Variants in RFX2 observed in about 807,000 individuals in gnomAD.
The protein encoded by RFX2 is regulatory factor X2, also known as DNA-binding protein RFX2.
Under a neutral mutation model 87.8 loss-of-function variants are expected in RFX2, and 20 were observed. The ratio of observed to expected loss-of-function variants is 0.23; its 90% confidence interval spans 0.16 to 0.33. The LOEUF (loss-of-function observed/expected upper bound fraction) is 0.33. Ranked by LOEUF, RFX2 falls within the 10% of genes least tolerant of loss-of-function variation. The probability of loss-of-function intolerance (pLI) is 1.00; values close to 1 mark genes in which losing one functional copy is unlikely to be tolerated. For synonymous variants in RFX2, 397 were observed against 431.3 expected (o/e 0.92, Z 0.98); for missense variants, 767 against 1,012.3 (o/e 0.76, Z 3.29).
intron 1 of RFX2, among the ~76,000 whole-genome samples, chr19:6,091,030 G>A (rs1169877514): frequency 6.6e-6 from 1 of 152,168 alleles, no homozygotes; most frequent in Non-Finnish European, 1.5e-5. Context: ...AAGCAGACTT[G>A]GTGTTTGCCA....
In RFX2 at chr19:6,040,041, T is replaced by G; in HGVS notation, c.461A>C (p.His154Pro). Reference protein sequence around the residue: ...IVSSAGAYLIHGGMDSTRHSL... With the variant: ...IVSSAGAYLIPGGMDSTRHSL... Reference sequence around the variant, plus strand: ...GTGTCTGGTGCTGTCCATCCCCCCGTGGATGAGATAGGCTCCCGCGCTGGA... The same window carrying G: ...GTGTCTGGTGCTGTCCATCCCCCCGGGGATGAGATAGGCTCCCGCGCTGGA... Residue 154 changes from histidine to proline, a missense_variant, in exon 5 of 18, where the codon CAC becomes CCC. Coordinates refer to ENST00000303657, the MANE Select transcript of RFX2 (RefSeq NM_000635.4). This position sits in a 1 kb window ranked among gnomAD's most constrained non-coding sequence, Gnocchi z 6.1. 6.2e-7 allele frequency: 1 copy of G among 1,609,944 alleles called. No homozygotes were observed. Among genetic ancestry groups the G allele is most frequent in the Non-Finnish European group, 8.5e-7 (1 of 1,178,626 alleles).
intron 1 of RFX2, among the ~76,000 whole-genome samples, chr19:6,071,526 T>C (rs886689985): frequency 1.6e-4 from 25 of 152,086 alleles, no homozygotes; most frequent in Non-Finnish European, 3.7e-4. Flanking sequence ...AAATTAGAAA[T>C]ATTTATTCCA....
intron 1 of RFX2, among the ~76,000 whole-genome samples, chr19:6,102,153 T>C (rs950508639): frequency 5.3e-5 from 8 of 152,168 alleles, no homozygotes; most frequent in Non-Finnish European, 8.8e-5. Context: ...CTCCCCCATC[T>C]GCTGCCTGCA....
At position 6,047,182 on chromosome 19, in the gene RFX2, T is replaced by C. The variant is rs2087202602; in HGVS notation, c.90+225A>G. ...TCAGATTTGGGAGAGTGGTTTCTTTTCCATTCATGTCATTGTTTCCTTGAT... is the reference window on the plus strand; with the variant it reads ...TCAGATTTGGGAGAGTGGTTTCTTTCCCATTCATGTCATTGTTTCCTTGAT... On this transcript the variant is annotated intron_variant, in intron 2 of 17. Coordinates refer to ENST00000303657, the MANE Select transcript of RFX2 (RefSeq NM_000635.4). This position sits in a 1 kb window ranked among gnomAD's most constrained non-coding sequence, Gnocchi z 4.2. 6.6e-6 allele frequency among the ~76,000 whole-genome samples: 1 copy of C among 152,228 alleles called. No homozygotes were observed. The highest frequency in any genetic ancestry group is 6.5e-5 in the Admixed American group (1 of 15,290).
At chr19:6,006,203 C>T (rs894255966) in intron 12 of RFX2, among the ~76,000 whole-genome samples, 2 of 152,170 alleles carry the variant, frequency 1.3e-5, no homozygotes, top group Non-Finnish European at 2.9e-5. Context: ...CTCTGTTGCC[C>T]AGGCTGGAGT....
rs12610477 is a variant in RFX2, at chr19:6,064,438, G to T, written c.-8-16934C>A. On this transcript the variant is annotated intron_variant, in intron 1 of 17. Transcript: ENST00000303657. The surrounding 1 kb of genome is among the most constrained non-coding windows in gnomAD (Gnocchi z 4.8). ...ATGTGCCAGTGAAAACCTGGCATGC[G>T]GAGGCCTCACCTCACTCACCCTCTC... Among the ~76,000 whole-genome samples the T allele has an allele frequency of 1.3e-5, 2 of 152,218 alleles. No homozygotes were observed. The highest frequency in any genetic ancestry group is 4.8e-5 in the African/African-American group (2 of 41,450).
chr19:6,078,850 A>G (rs1027857212), intron 1 of RFX2, among the ~76,000 whole-genome samples: 1 of 152,248 alleles, frequency 6.6e-6, no homozygotes, highest in African/African-American at 2.4e-5. Flanking sequence ...ATCTCAGCTC[A>G]CTGCAACCTC....
chr19:6,062,721 G>A (rs1428123991), intron 1 of RFX2, among the ~76,000 whole-genome samples: 1 of 152,150 alleles, frequency 6.6e-6, no homozygotes. Flanking sequence ...GTATGAGCTC[G>A]AACTGGACTT....
intron 1 of RFX2, among the ~76,000 whole-genome samples, chr19:6,100,917 T>G (rs891844506): frequency 6.8e-6 from 1 of 147,790 alleles, no homozygotes; most frequent in Non-Finnish European, 1.5e-5. Context: ...CCAGAAGTAA[T>G]TTTTACTCAC....
At chr19:6,082,369 T>C (rs916459438) in intron 1 of RFX2, among the ~76,000 whole-genome samples, 7 of 151,334 alleles carry the variant, frequency 4.6e-5, no homozygotes, top group African/African-American at 1.5e-4. Flanking sequence ...TAGTCATTGC[T>C]GGGGATTAAT....
Position 5,994,677 on chromosome 19 carries a change from T to C in RFX2, c.*158A>G. The C allele has an allele frequency of 3.3e-6, 2 of 604,998 alleles. No homozygotes were observed. The highest frequency in any genetic ancestry group is 4.4e-4 in the Middle Eastern group (1 of 2,250). The allele number at this position is 604,998 out of a possible 1,614,324, so 37.5% of individuals were successfully genotyped here. On this transcript the variant is annotated 3_prime_UTR_variant, in exon 18 of 18. Coordinates refer to ENST00000303657, the MANE Select transcript of RFX2 (RefSeq NM_000635.4). ...GGGCTTCTGTAGCTTCAACAACTGC[T>C]TTCCTTCTTGAACACTGACCCCGGG...
In RFX2 at chr19:6,047,520, G is replaced by C. The variant is rs772434526; in HGVS notation, c.-8-16C>G. The C allele has an allele frequency of 7.5e-5, 119 of 1,587,530 alleles. No homozygotes were observed. The highest frequency in any genetic ancestry group is 1.0e-4 in the Non-Finnish European group (116 of 1,165,172). On this transcript the variant is annotated splice_polypyrimidine_tract_variant and intron_variant, in intron 1 of 17. Coordinates refer to ENST00000303657, the MANE Select transcript of RFX2 (RefSeq NM_000635.4). The surrounding 1 kb of genome is among the most constrained non-coding windows in gnomAD (Gnocchi z 4.2). ...ATGCTCAGGTCTAAAGAAAGGCGGAGAGAGATTGGGTGGGCAAGGGCTGCA... is the reference window on the plus strand; with the variant it reads ...ATGCTCAGGTCTAAAGAAAGGCGGACAGAGATTGGGTGGGCAAGGGCTGCA...
Position 6,056,894 on chromosome 19 carries a change from C to T in RFX2, c.-8-9390G>A, listed in dbSNP as rs2087351452. Among the ~76,000 whole-genome samples, 1 of 152,214 alleles carries T rather than the reference C, an allele frequency of 6.6e-6. No homozygotes were observed. The highest frequency in any genetic ancestry group is 2.4e-5 in the African/African-American group (1 of 41,444). On this transcript the variant is annotated intron_variant, in intron 1 of 17. Coordinates refer to ENST00000303657, the MANE Select transcript of RFX2 (RefSeq NM_000635.4). The surrounding 1 kb of genome is among the most constrained non-coding windows in gnomAD (Gnocchi z 4.6). ...ATAAAGGGGAGGGGCCGCAACACGA[C>T]CTGTCACCCAGCCTGGCCCTGCCTG...
At position 6,083,664 on chromosome 19, in the gene RFX2, C is replaced by T. The variant is rs982485796; in HGVS notation, c.-9+26729G>A. Among the ~76,000 whole-genome samples the T allele has an allele frequency of 6.6e-6, 1 of 151,848 alleles. No homozygotes were observed. Among genetic ancestry groups the T allele is most frequent in the Non-Finnish European group, 1.5e-5 (1 of 68,000 alleles). ...CATGGCTCACTGCAGCCTCCACTTC[C>T]AGAGCTCAAGTGATCCTCCTGCTCA... On this transcript the variant is annotated intron_variant, in intron 1 of 17. Coordinates refer to ENST00000303657, the MANE Select transcript of RFX2 (RefSeq NM_000635.4). This position sits in a 1 kb window ranked among gnomAD's most constrained non-coding sequence, Gnocchi z 4.6.
intron 1 of RFX2, among the ~76,000 whole-genome samples, chr19:6,089,985 G>A (rs528198683): frequency 6.6e-6 from 1 of 152,268 alleles, no homozygotes; most frequent in African/African-American, 2.4e-5. Flanking sequence ...TTTTGAGACA[G>A]GTTCTCGCTT....
chr19:6,077,536 CT>C (rs1283875805), intron 1 of RFX2, among the ~76,000 whole-genome samples: 1 of 152,190 alleles, frequency 6.6e-6, no homozygotes, highest in Non-Finnish European at 1.5e-5. Context: ...TAAGTGGGGT[CT>C]TTTTCCCCTC....
At chr19:6,049,710 T>C (rs1041919687) in intron 1 of RFX2, among the ~76,000 whole-genome samples, 1 of 152,158 alleles carries the variant, frequency 6.6e-6, no homozygotes, top group Non-Finnish European at 1.5e-5. Flanking sequence ...TGTATTTTTA[T>C]AGAAACGGGG....
At chr19:6,102,012 G>A (rs1237661011) in intron 1 of RFX2, among the ~76,000 whole-genome samples, 1 of 152,214 alleles carries the variant, frequency 6.6e-6, no homozygotes, top group Non-Finnish European at 1.5e-5. Context: ...TGAAGACATT[G>A]TGCTAAGTGA....
rs546325581 is a variant in RFX2 at position 6,002,176 on chromosome 19, C to T, written c.1651-153G>A. 2.0e-5 allele frequency among the ~76,000 whole-genome samples: 3 copies of T among 152,358 alleles called. No homozygotes were observed. The highest frequency in any genetic ancestry group is 4.1e-4 in the South Asian group (2 of 4,832). The stretch of plus-strand genomic sequence containing the variant: ...GCTGCAAGCCAAGTCCTGTGTCTCC[C>T]GTCACAGGGGCAGAATAGAGAGCTG... On this transcript the variant is annotated intron_variant, in intron 14 of 17. Transcript: ENST00000303657. The surrounding 1 kb of genome is among the most constrained non-coding windows in gnomAD (Gnocchi z 6.7).
Sources: allele counts gnomAD v4.1 joint callset (sites outside exome capture counted in the v4.1 genomes callset), GRCh38; gene constraint gnomAD v4.1.1; non-coding constraint Gnocchi (gnomAD v3.1); transcripts MANE v1.5; gene names NCBI Gene and HGNC (gene_info 2026-07-23, HGNC 2026-07-21).